Variants in ZFTA observed in about 807,000 individuals in gnomAD.
The protein encoded by ZFTA is zinc finger translocation-associated protein.
In ZFTA, 35 loss-of-function variants were observed where a neutral mutation model predicts 41.8. The ratio of observed to expected loss-of-function variants is 0.84; its 90% CI spans 0.64 to 1.11. The LOEUF (loss-of-function observed/expected upper bound fraction) is 1.11, where lower values mean the gene tolerates loss of function less well. Ranked by LOEUF, ZFTA falls within the 50% of genes most tolerant of loss-of-function variation. ZFTA has a pLI of 0.00. For missense variants in ZFTA, 964 were observed against 989.8 expected, an observed-to-expected ratio of 0.97 and a Z score of 0.35; for synonymous variants, 514 against 436.4, an observed-to-expected ratio of 1.18 and a Z score of -2.22.
In ZFTA at chr11:63,768,528, G is replaced by A; in HGVS notation, c.95C>T (p.Pro32Leu). 2 of 1,193,542 alleles carry A rather than the reference G, an allele frequency of 1.7e-6. No individual in the cohort carries two copies. The highest frequency in any genetic ancestry group is 1.1e-6 in the Non-Finnish European group (1 of 951,382). The allele number at this position is 1,193,542 out of a possible 1,614,324, so 73.9% of individuals were successfully genotyped here. A position where few individuals can be genotyped will look rare whatever the true frequency, so the allele number is the denominator to read the frequency against. The change falls in exon 1 of 5, where the codon CCC (proline) becomes CTC (leucine). Residue 32 changes from proline to leucine, a missense_variant. Pro to Leu is a moderately conservative substitution (Grantham distance 98, BLOSUM62 -3). Around this residue, in one of 5 missense-constraint regions of ZFTA, gnomAD observed 111 missense variants for 93.2 expected, o/e 1.19. Coordinates refer to ENST00000433688, the MANE Select transcript of ZFTA (RefSeq NM_001144936.2). Reference sequence around the variant, plus strand: ...CTCCGCGCTGCCGCTCGATCCGGCGGGCGGCAGCCGTCGGCCCCGTGCCGA... The same window carrying A: ...CTCCGCGCTGCCGCTCGATCCGGCGAGCGGCAGCCGTCGGCCCCGTGCCGA... Reference protein sequence around the residue: ...VASARGRRLPPAGSSGSAEPE... With the variant: ...VASARGRRLPLAGSSGSAEPE...
At position 63,763,698 on chromosome 11, in the gene ZFTA, C is replaced by T; in HGVS notation, c.1757G>A (p.Arg586Gln). The stretch of plus-strand genomic sequence containing the variant: ...GTCGTAGTCCATCAGGTACTCGCCC[C>T]GCCACCGCGGCTGGTAGTTCCGCCG... The part of the protein sequence containing the change: ...EQRRNYQPRW[R>Q]GEYLMDYDGS... The change falls in exon 5 of 5, where the codon CGG becomes CAG. Residue 586 changes from arginine (R) to glutamine (Q), a missense_variant. By Grantham distance (43) the Arg-to-Gln change is conservative. Coordinates refer to ENST00000433688, the MANE Select transcript of ZFTA (RefSeq NM_001144936.2). 1.3e-6 allele frequency: 2 copies of T among 1,524,478 alleles called. No individual in the cohort carries two copies. Among genetic ancestry groups the T allele is most frequent in the Non-Finnish European group, 1.8e-6 (2 of 1,132,206 alleles). 94.4% of individuals were successfully genotyped at this position (1,524,478 alleles called of 1,614,324 possible). A position where few individuals can be genotyped will look rare whatever the true frequency, so the allele number is the denominator to read the frequency against.
rs1448040672 is a variant in ZFTA at position 63,766,314 on chromosome 11, G to A, written c.140-10C>T. On this transcript the variant is annotated splice_polypyrimidine_tract_variant and intron_variant, in intron 1 of 4. Transcript: ENST00000433688. ...AGCTGAAGATCTTGCCCTGAAGAAG[G>A]GGAAAGGGAGACAGTTTTTCAATCT... 1 of 1,421,408 alleles carries A rather than the reference G, an allele frequency of 7.0e-7. No homozygotes were observed. The highest frequency in any genetic ancestry group is 9.2e-7 in the Non-Finnish European group (1 of 1,092,578). The allele number at this position is 1,421,408 out of a possible 1,614,324, so 88.0% of individuals were successfully genotyped here.
In ZFTA at chr11:63,768,486, CCTTCGT is replaced by C; in HGVS notation, c.131_136del (p.Asp44_Glu45del). On this transcript the variant is annotated inframe_deletion, in exon 1 of 5. Transcript: ENST00000433688. ...GGGCCGCCGGCCCCAGCTCTTACCG[CCTTCGT>C]CTTCCTCTGGCTCCGCGCTGCCGCT... 8.3e-7 allele frequency: 1 copy of C among 1,197,708 alleles called. No individual in the cohort carries two copies. Among genetic ancestry groups the C allele is most frequent in the Non-Finnish European group, 1.1e-6 (1 of 952,238 alleles). The allele number at this position is 1,197,708 out of a possible 1,614,324, so 74.2% of individuals were successfully genotyped here.
rs2014787368 is a variant in ZFTA, at chr11:63,768,636, GAGCGGGGCCCCGGGGC to G, written c.-30_-15del. On this transcript the variant is annotated 5_prime_UTR_variant, in exon 1 of 5. Transcript: ENST00000433688. ...GCCGGGCTCCATGCGCTGCGCTGCG[GAGCGGGGCCCCGGGGC>G]GGCGGGGCGCGGGGCCGCGGGGCCG... 1.0e-6 allele frequency: 1 copy of G among 983,598 alleles called. No homozygotes were observed. Among genetic ancestry groups the G allele is most frequent in the Non-Finnish European group, 1.2e-6 (1 of 831,010 alleles). 60.9% of individuals were successfully genotyped at this position (983,598 alleles called of 1,614,324 possible). A position where few individuals can be genotyped will look rare whatever the true frequency, so the allele number is the denominator to read the frequency against.
At chr11:63,766,696 A>G (rs1019603470) in intron 1 of ZFTA, among the ~76,000 whole-genome samples, 1 of 152,140 alleles carries the variant, frequency 6.6e-6, no homozygotes, top group East Asian at 1.9e-4. Context: ...GGGCCAGACA[A>G]ACAAAGGGGG....
At position 63,765,838 on chromosome 11, in the gene ZFTA, G is replaced by C. The variant is rs1004513871; in HGVS notation, c.606C>G (p.Ala202=). ...CCTTGGGCGGGCAAGCTGGGACACC[G>C]GCCCCCTCCTCCTCCTCCTCTTCTT... is the stretch of plus-strand genomic sequence containing the variant. The part of the protein sequence containing the change: ...EEEEEEEEEG[A]GVPACPPKGP... Residue 202 remains alanine, a synonymous_variant, in exon 2 of 5, where the codon GCC becomes GCG. Coordinates refer to ENST00000433688, the MANE Select transcript of ZFTA (RefSeq NM_001144936.2). This position sits in a 1 kb window ranked among gnomAD's most constrained non-coding sequence, Gnocchi z 4.0. 6.7e-7 allele frequency: 1 copy of C among 1,495,418 alleles called. No homozygotes were observed. The highest frequency in any genetic ancestry group is 8.9e-7 in the Non-Finnish European group (1 of 1,123,098). 92.6% of individuals were successfully genotyped at this position (1,495,418 alleles called of 1,614,324 possible). A position where few individuals can be genotyped will look rare whatever the true frequency, so the allele number is the denominator to read the frequency against.
Position 63,764,075 on chromosome 11 carries a change from G to A in ZFTA, c.1548C>T (p.Asp516=), listed in dbSNP as rs1417439544. The A allele has an allele frequency of 3.0e-6, 4 of 1,337,316 alleles. No homozygotes were observed. The highest frequency in any genetic ancestry group is 3.8e-6 in the Non-Finnish European group (4 of 1,048,834). 82.8% of individuals were successfully genotyped at this position (1,337,316 alleles called of 1,614,324 possible). A position where few individuals can be genotyped will look rare whatever the true frequency, so the allele number is the denominator to read the frequency against. Residue 516 remains aspartate (D), a synonymous_variant, in exon 4 of 5, where the codon GAC becomes GAT. Coordinates refer to ENST00000433688, the MANE Select transcript of ZFTA (RefSeq NM_001144936.2). ...CCTCCTCCTCTGGCTCCTCCTCCTC[G>A]TCCCCTCCCCCCTCGTCGGAGGCTG... The part of the protein sequence containing the change: ...TAAASDEGGG[D]EEEEPEEEEE...
intron 1 of ZFTA, chr11:63,767,588 G>C (rs969777226): frequency 6.6e-6 from 1 of 152,182 alleles, no homozygotes; most frequent in Non-Finnish European, 1.5e-5. Context: ...AGCCGAAAAA[G>C]GGGGAGGAGC....
In ZFTA at chr11:63,763,885, G is replaced by T. The variant is rs1030802727; in HGVS notation, c.1586-16C>A. ...GGAACGTCGCCTAAGGAGGGACAAA[G>T]GACCGCATTGGCGACGGCGGGGGGC... is the stretch of plus-strand genomic sequence containing the variant. On this transcript the variant is annotated splice_polypyrimidine_tract_variant and intron_variant, in intron 4 of 4. Coordinates refer to ENST00000433688, the MANE Select transcript of ZFTA (RefSeq NM_001144936.2). 6.4e-6 allele frequency: 9 copies of T among 1,416,166 alleles called. No individual in the cohort carries two copies. In the African/African-American group the frequency reaches 1.4e-4, roughly 21 times the overall value. The allele number at this position is 1,416,166 out of a possible 1,614,324, so 87.7% of individuals were successfully genotyped here.
rs1165960356 is a variant in ZFTA, at chr11:63,768,677, GGCGGCAGCCCGCGCGGAGCGCTCGCTGC to G, written c.-83_-56del. ...CGGCGGGGCGCGGGGCCGCGGGGCCGGCGGCAGCCCGCGCGGAGCGCTCGCTGCGCGGGGCCCCGGGGCGCGGGGCGCA... is the reference window on the plus strand; with the variant it reads ...CGGCGGGGCGCGGGGCCGCGGGGCCGGCGGGGCCCCGGGGCGCGGGGCGCA... On this transcript the variant is annotated 5_prime_UTR_variant, in exon 1 of 5. Coordinates refer to ENST00000433688, the MANE Select transcript of ZFTA (RefSeq NM_001144936.2). The G allele has an allele frequency of 1.1e-6, 1 of 875,038 alleles. No homozygotes were observed. The highest frequency in any genetic ancestry group is 6.5e-5 in the Admixed American group (1 of 15,416). The allele number at this position is 875,038 out of a possible 1,614,324, so 54.2% of individuals were successfully genotyped here. A position where few individuals can be genotyped will look rare whatever the true frequency, so the allele number is the denominator to read the frequency against.
chr11:63,768,461 G>A (rs1348132655), intron 1 of ZFTA, 23 bp downstream of exon 1: 1 of 1,110,632 alleles, frequency 9.0e-7, no homozygotes, highest in Non-Finnish European at 1.1e-6. Flanking sequence ...GCCCCCGCCC[G>A]GGCCGCCGGC....
In ZFTA at chr11:63,760,268, G is replaced by A. The variant is rs1383835901; in HGVS notation, c.*3150C>T. 6 of 152,132 alleles carry A rather than the reference G, an allele frequency of 3.9e-5. No homozygotes were observed. Among genetic ancestry groups the A allele is most frequent in the Admixed American group, 2.0e-4 (3 of 15,272 alleles). 9.4% of individuals were successfully genotyped at this position (152,132 alleles called of 1,614,324 possible). A position where few individuals can be genotyped will look rare whatever the true frequency, so the allele number is the denominator to read the frequency against. ...ATTGAGTCAATCACCGTGGAAAATG[G>A]GAACTAAATACATCATCAGGTCTTC... is the stretch of plus-strand genomic sequence containing the variant. On this transcript the variant is annotated 3_prime_UTR_variant, in exon 5 of 5. Coordinates refer to ENST00000433688, the MANE Select transcript of ZFTA (RefSeq NM_001144936.2).
intron 3 of ZFTA, 83 bp downstream of exon 3, chr11:63,764,785 A>G (rs1447952956): frequency 1.4e-6 from 2 of 1,421,016 alleles, no homozygotes; most frequent in African/African-American, 2.9e-5. Flanking sequence ...CTCAGCCCTA[A>G]GTCCCTGCCT....
In ZFTA at chr11:63,764,191, G is replaced by A. The variant is rs1261290660; in HGVS notation, c.1432C>T (p.Arg478Trp). Residue 478 changes from arginine to tryptophan, a missense_variant, in exon 4 of 5, where the codon CGG becomes TGG. Transcript: ENST00000433688. The part of the protein sequence containing the change: ...LGGPVQALIA[R>W]EWSEKAAHLL... ...TGGGCGGCCTTCTCGCTCCACTCCC[G>A]GGCGATGAGGGCCTGGACAGGCCCG... The A allele has an allele frequency of 9.3e-6, 13 of 1,391,910 alleles. 1 individual carries two copies. The highest frequency in any genetic ancestry group is 4.8e-5 in the South Asian group (3 of 61,942). The allele number at this position is 1,391,910 out of a possible 1,614,324, so 86.2% of individuals were successfully genotyped here.
chr11:63,768,359 G>A, intron 1 of ZFTA, 125 bp downstream of exon 1: 1 of 502,720 alleles, frequency 2.0e-6, no homozygotes, highest in Non-Finnish European at 2.6e-6. Flanking sequence ...CGCCCACCAG[G>A]TGGCGCCCCC....
chr11:63,764,837 A>AG (rs1362104120), intron 3 of ZFTA, 31 bp downstream of exon 3: 7 of 1,446,538 alleles, frequency 4.8e-6, no homozygotes, highest in African/African-American at 2.9e-5. Context: ...CCCCAGTATG[A>AG]GGGGGTCTCA....
At chr11:63,768,073 A>T (rs2014775007) in intron 1 of ZFTA, among the ~76,000 whole-genome samples, 1 of 152,074 alleles carries the variant, frequency 6.6e-6, no homozygotes, top group Non-Finnish European at 1.5e-5. Context: ...GCTGGGGAAA[A>T]GCCCCCGAAG....
chr11:63,763,676 G>A lies in ZFTA; in HGVS notation c.1779C>T (p.Tyr593=). ...ACACCAGGCCGCGCCGGCTGCCGTC[G>A]TAGTCCATCAGGTACTCGCCCCGCC... ...PRWRGEYLMD[Y]DGSRRGLVCM... is the part of the protein sequence containing the mutation. The change falls in exon 5 of 5, where the codon TAC becomes TAT. Residue 593 remains tyrosine (Y), a synonymous_variant. Coordinates refer to ENST00000433688, the MANE Select transcript of ZFTA (RefSeq NM_001144936.2). 6.5e-7 allele frequency: 1 copy of A among 1,539,118 alleles called. No homozygotes were observed. Among genetic ancestry groups the A allele is most frequent in the Non-Finnish European group, 8.8e-7 (1 of 1,141,400 alleles).
chr11:63,762,598 G>GACTT lies in ZFTA; in HGVS notation c.*816_*819dup, dbSNP rs1012883882. On this transcript the variant is annotated 3_prime_UTR_variant, in exon 5 of 5. Transcript: ENST00000433688. ...ACCGCCTGTGCCCCGGGCTCCCACG[G>GACTT]ACTTGGTTTAGGGGTAAGCAGAGAC... 1 of 152,336 alleles carries GACTT rather than the reference G, an allele frequency of 6.6e-6. No individual in the cohort carries two copies. The highest frequency in any genetic ancestry group is 2.4e-5 in the African/African-American group (1 of 41,466). The allele number at this position is 152,336 out of a possible 1,614,324, so 9.4% of individuals were successfully genotyped here.
Sources: gnomAD v4.1 joint callset for allele counts (sites outside exome capture counted in the v4.1 genomes callset) on GRCh38, gnomAD v4.1.1 for gene constraint, gnomAD v4.1.1 regional missense constraint, Gnocchi (gnomAD v3.1) non-coding constraint, MANE v1.5 for transcripts, NCBI Gene and HGNC (gene_info 2026-07-23, HGNC 2026-07-21) for gene names.